The following ARHGAP39 variants were observed in gnomAD, a reference collection of about 807,000 sequenced individuals.
The protein encoded by ARHGAP39 is rho GTPase-activating protein 39.
In ARHGAP39, 44 loss-of-function variants were observed where a neutral mutation model predicts 106.9. The observed-to-expected ratio is 0.41, with a 90% CI of 0.32 to 0.53. ARHGAP39 has a LOEUF of 0.53. Ranked by LOEUF, ARHGAP39 falls within the 20% of genes least tolerant of loss-of-function variation. The probability of loss-of-function intolerance (pLI) is 0.21; values close to 1 mark genes in which losing one functional copy is unlikely to be tolerated. For synonymous variants in ARHGAP39, 768 were observed against 693.2 expected (o/e 1.11, Z -1.69); for missense variants, 1,496 against 1,577.3 (o/e 0.95, Z 0.87).
chr8:144,539,858 G>A (rs926373846), intron 6 of ARHGAP39, among the ~76,000 whole-genome samples: 8 of 152,106 alleles, frequency 5.3e-5, no homozygotes, highest in Non-Finnish European at 1.2e-4. Context: ...TTTCAAAGGG[G>A]TTTTGGCTAT....
Position 144,548,383 on chromosome 8 carries a change from C to T in ARHGAP39, c.703G>A (p.Asp235Asn), listed in dbSNP as rs1057393100. 1.2e-6 allele frequency: 2 copies of T among 1,609,978 alleles called. No individual in the cohort carries two copies. The highest frequency in any genetic ancestry group is 1.3e-5 in the African/African-American group (1 of 74,900). ...LAAQGNGYAP[D>N]GPPGVRSRRP... ...CGGGAGCGGACCCCAGGTGGGCCGT[C>T]TGGGGCGTAGCCATTGCCCTGGGCG... is the stretch of plus-strand genomic sequence containing the variant. The change falls in exon 5 of 12, where the codon GAC becomes AAC. Residue 235 changes from aspartate to asparagine, a missense_variant. Asp to Asn is a conservative substitution (Grantham distance 23, BLOSUM62 1). Around this residue, in one of 4 missense-constraint regions of ARHGAP39, gnomAD observed 905 missense variants for 816.4 expected, o/e 1.11. Transcript: ENST00000377307. The surrounding 1 kb of genome is among the most constrained non-coding windows in gnomAD (Gnocchi z 7.4).
In ARHGAP39 at chr8:144,673,412, A is replaced by G. The variant is rs116333679; in HGVS notation, c.-82+12274T>C. The stretch of plus-strand genomic sequence containing the variant: ...CATTGAGATAGAATTCACATTACAT[A>G]CAATTCACCCAATTAAAGTATATGA... On this transcript the variant is annotated intron_variant, in intron 1 of 11. Transcript: ENST00000377307. Among the ~76,000 whole-genome samples the G allele has an allele frequency of 2.8e-3, 427 of 152,310 alleles. 2 individuals carry two copies. Among genetic ancestry groups the G allele is most frequent in the African/African-American group, 9.8e-3 (406 of 41,546 alleles).
Position 144,547,561 on chromosome 8 carries a change from G to A in ARHGAP39, c.1525C>T (p.Pro509Ser). Residue 509 changes from proline to serine, a missense_variant, in exon 5 of 12, where the codon CCC (proline) becomes TCC (serine). Coordinates refer to ENST00000377307, the MANE Select transcript of ARHGAP39 (RefSeq NM_025251.3). The surrounding 1 kb of genome is among the most constrained non-coding windows in gnomAD (Gnocchi z 5.2). ...AGCAGGTCCCCGGGGCCCTCAGTGGGGGTGGCGCTGGTGGCTTGGCACAAA... is the reference window on the plus strand; with the variant it reads ...AGCAGGTCCCCGGGGCCCTCAGTGGAGGTGGCGCTGGTGGCTTGGCACAAA... ...PSLCQATSAT[P>S]TEGPGDLLVE... 1.4e-5 allele frequency: 20 copies of A among 1,473,276 alleles called. No homozygotes were observed. The highest frequency in any genetic ancestry group is 1.8e-5 in the Non-Finnish European group (20 of 1,114,706). The allele number at this position is 1,473,276 out of a possible 1,614,324, so 91.3% of individuals were successfully genotyped here.
At chr8:144,535,342 G>A (rs547249741) in intron 7 of ARHGAP39, among the ~76,000 whole-genome samples, 23 of 152,170 alleles carry the variant, frequency 1.5e-4, no homozygotes, top group African/African-American at 5.3e-4. Context: ...TTTCATAGAC[G>A]TTTAGGTCCT....
intron 2 of ARHGAP39, among the ~76,000 whole-genome samples, chr8:144,592,434 C>T (rs1477854723): frequency 8.3e-6 from 1 of 119,968 alleles, no homozygotes; most frequent in Admixed American, 8.4e-5. Context: ...TCCTGGGGGA[C>T]AGCACTGAGC....
In ARHGAP39 at chr8:144,547,338, G is replaced by A. The variant is rs755069825; in HGVS notation, c.1748C>T (p.Ser583Phe). The part of the protein sequence containing the change: ...RSSWDSQQDG[S>F]GYESDGALPL... The stretch of plus-strand genomic sequence containing the variant: ...CAGGGCGCCGTCGCTCTCGTAGCCA[G>A]AGCCGTCCTGCTGGGAGTCCCAGCT... The change falls in exon 5 of 12, where the codon TCT (serine) becomes TTT (phenylalanine). Residue 583 changes from serine to phenylalanine, a missense_variant. Transcript: ENST00000377307. This position sits in a 1 kb window ranked among gnomAD's most constrained non-coding sequence, Gnocchi z 5.2. 7 of 1,607,000 alleles carry A rather than the reference G, an allele frequency of 4.4e-6. No homozygotes were observed.
intron 1 of ARHGAP39, among the ~76,000 whole-genome samples, chr8:144,651,074 A>G (rs959738819): frequency 6.6e-6 from 1 of 152,166 alleles, no homozygotes; most frequent in Non-Finnish European, 1.5e-5. Context: ...ACAAAAATCA[A>G]TGTCCAAAAA....
intron 1 of ARHGAP39, among the ~76,000 whole-genome samples, chr8:144,665,047 G>A (rs1021697492): frequency 6.6e-6 from 1 of 152,224 alleles, no homozygotes; most frequent in Non-Finnish European, 1.5e-5. Context: ...TGCCGATAGT[G>A]ATACGAATAA....
rs1817493357 is a variant in ARHGAP39, at chr8:144,547,521, A to G, written c.1565T>C (p.Leu522Pro). Residue 522 changes from leucine to proline, a missense_variant, in exon 5 of 12, where the codon CTG becomes CCG. Physicochemically the swap from Leu to Pro is moderately conservative, Grantham distance 98 (BLOSUM62 -3). Transcript: ENST00000377307. The surrounding 1 kb of genome is among the most constrained non-coding windows in gnomAD (Gnocchi z 5.2). The part of the protein sequence containing the change: ...GPGDLLVEQP[L>P]AEEQPPCGTS... ...CCCGCACGGGGGCTGTTCCTCGGCC[A>G]GGGGCTGCTCCACAAGCAGGTCCCC... 6.7e-7 allele frequency: 1 copy of G among 1,487,342 alleles called. No homozygotes were observed. The highest frequency in any genetic ancestry group is 8.9e-7 in the Non-Finnish European group (1 of 1,122,230). The allele number at this position is 1,487,342 out of a possible 1,614,324, so 92.1% of individuals were successfully genotyped here. A position where few individuals can be genotyped will look rare whatever the true frequency, so the allele number is the denominator to read the frequency against.
chr8:144,637,154 T>A (rs979194215), intron 1 of ARHGAP39, among the ~76,000 whole-genome samples: 3 of 152,272 alleles, frequency 2.0e-5, no homozygotes, highest in Non-Finnish European at 4.4e-5. Flanking sequence ...ATCTCATTCC[T>A]AAAACTTTTA....
chr8:144,678,989 C>T (rs980258186), intron 1 of ARHGAP39, among the ~76,000 whole-genome samples: 2 of 152,052 alleles, frequency 1.3e-5, no homozygotes, highest in Non-Finnish European at 2.9e-5. Context: ...GGCAAGAGGA[C>T]CTGGAGCCGT....
At chr8:144,581,347 C>A in intron 2 of ARHGAP39, 70 bp from the exon 3 acceptor site, 2 of 1,436,156 alleles carry the variant, frequency 1.4e-6, no homozygotes, top group Non-Finnish European at 1.9e-6. Flanking sequence ...CCCCTGCAGA[C>A]CCCGGCTCCA....
rs1193134068 is a variant in ARHGAP39, at chr8:144,676,307, T to A, written c.-82+9379A>T. ...CCTTCAGCTAAACACAGAGTGCTGA[T>A]TGGTGCATTTACAATACTTTAGCTA... is the stretch of plus-strand genomic sequence containing the variant. On this transcript the variant is annotated intron_variant, in intron 1 of 11. Transcript: ENST00000377307. Among the ~76,000 whole-genome samples the A allele has an allele frequency of 4.6e-5, 7 of 152,196 alleles. No homozygotes were observed. The East Asian group carries it at 1.3e-3, about 29-fold the overall frequency.
At chr8:144,640,086 C>T (rs187140204) in intron 1 of ARHGAP39, among the ~76,000 whole-genome samples, 138 of 152,254 alleles carry the variant, frequency 9.1e-4, no homozygotes, top group Non-Finnish European at 1.8e-3. Context: ...ATATGGAAAA[C>T]CATTTCTGCC....
chr8:144,599,029 C>A (rs2130926751), intron 2 of ARHGAP39, among the ~76,000 whole-genome samples: 1 of 152,334 alleles, frequency 6.6e-6, no homozygotes, highest in East Asian at 1.9e-4. Flanking sequence ...AAAGCCCAGG[C>A]TGCATGGAGA....
chr8:144,691,821 C>CTA, the ARHGAP39 span, among the ~76,000 whole-genome samples: 1 of 151,784 alleles, frequency 6.6e-6, no homozygotes, highest in Non-Finnish European at 1.5e-5. Context: ...TCATCTCAGA[C>CTA]TAAACTTCTT....
chr8:144,562,204 TCCAGTGGTTTCCATTGGACTCACC>T, intron 3 of ARHGAP39, among the ~76,000 whole-genome samples: 1 of 150,650 alleles, frequency 6.6e-6, no homozygotes, highest in South Asian at 2.1e-4. Context: ...TCCATCGGGC[TCCAGTGGTTTCCATTGGACTCACC>T]CCAGTGGTTT....
intron 3 of ARHGAP39, among the ~76,000 whole-genome samples, chr8:144,573,834 T>C (rs1001808658): frequency 6.6e-6 from 1 of 152,102 alleles, no homozygotes; most frequent in Non-Finnish European, 1.5e-5. Flanking sequence ...TAAACTGTAG[T>C]TTTGGAAATG....
rs1441800212 is a variant in ARHGAP39 at position 144,668,782 on chromosome 8, GA to G, written c.-82+16903del. On this transcript the variant is annotated intron_variant, in intron 1 of 11. Coordinates refer to ENST00000377307, the MANE Select transcript of ARHGAP39 (RefSeq NM_025251.3). Reference sequence around the variant, plus strand: ...GATCCTTATCAAAGTCAAGCTTGCTGAAAAAAAACAATGAGCTTGCTTTTTT... The same window carrying G: ...GATCCTTATCAAAGTCAAGCTTGCTGAAAAAAACAATGAGCTTGCTTTTTT... Among the ~76,000 whole-genome samples, 6 of 151,804 alleles carry G rather than the reference GA, an allele frequency of 4.0e-5. No individual in the cohort carries two copies. The East Asian group carries it at 1.2e-3, about 29-fold the overall frequency.
Sources: allele counts gnomAD v4.1 joint callset (sites outside exome capture counted in the v4.1 genomes callset), GRCh38; gene constraint gnomAD v4.1.1; regional missense constraint gnomAD v4.1.1; non-coding constraint Gnocchi (gnomAD v3.1); transcripts MANE v1.5; gene names NCBI Gene and HGNC (gene_info 2026-07-23, HGNC 2026-07-21).